OPRK1: variants seen among roughly 807,000 people sequenced by gnomAD.
The protein encoded by OPRK1 is kappa-type opioid receptor.
A neutral mutation model predicts 24.5 loss-of-function variants in OPRK1; 15 were observed. That is an observed-to-expected ratio of 0.61 (90% confidence interval 0.41 to 0.94). The LOEUF (loss-of-function observed/expected upper bound fraction) is 0.94, where lower values mean the gene tolerates loss of function less well. Ranked by LOEUF, OPRK1 falls within the 40% of genes least tolerant of loss-of-function variation. The pLI, the probability that OPRK1 is intolerant of heterozygous loss-of-function variation, is 0.00. For synonymous variants in OPRK1, 205 were observed against 198.0 expected (o/e 1.04, Z -0.30); for missense variants, 479 against 507.3 (o/e 0.94, Z 0.54).
intron 2 of OPRK1, chr8:53,242,999 C>G: frequency 1.6e-6 from 2 of 1,231,558 alleles, no homozygotes; most frequent in Non-Finnish European, 2.1e-6. Flanking sequence ...ATAAGCCTTC[C>G]TTATCCAAGA....
At chr8:53,242,139 A>T (rs1430911334) in intron 2 of OPRK1, among the ~76,000 whole-genome samples, 1 of 152,206 alleles carries the variant, frequency 6.6e-6, no homozygotes, top group Non-Finnish European at 1.5e-5. Context: ...TTTATACAGA[A>T]AGCTGACCTA....
chr8:53,229,150 A>C lies in OPRK1; in HGVS notation c.*147T>G. 3 of 938,774 alleles carry C rather than the reference A, an allele frequency of 3.2e-6. No homozygotes were observed. In the South Asian group the frequency reaches 5.3e-5, roughly 17 times the overall value. The allele number at this position is 938,774 out of a possible 1,614,324, so 58.2% of individuals were successfully genotyped here. On this transcript the variant is annotated 3_prime_UTR_variant, in exon 4 of 4. Transcript: ENST00000265572. ...TCCACTGATCACGAACGTGGTCTGCATCTGATGACTTCAGACCATGAGATC... is the reference window on the plus strand; with the variant it reads ...TCCACTGATCACGAACGTGGTCTGCCTCTGATGACTTCAGACCATGAGATC...
chr8:53,248,550 T>C (rs528222555), intron 2 of OPRK1, among the ~76,000 whole-genome samples: 7 of 152,178 alleles, frequency 4.6e-5, no homozygotes, highest in Non-Finnish European at 8.8e-5. Context: ...CATGCCACCC[T>C]CTCTCTGATC....
chr8:53,231,429 A>T (rs1055254714), intron 3 of OPRK1, among the ~76,000 whole-genome samples: 1 of 152,176 alleles, frequency 6.6e-6, no homozygotes, highest in South Asian at 2.1e-4. Flanking sequence ...TATTTTCAGC[A>T]TTAGTTGTTT....
chr8:53,251,370 TC>T, intron 1 of OPRK1, 77 bp downstream of exon 1: 2 of 380,866 alleles, frequency 5.3e-6, no homozygotes, highest in Non-Finnish European at 9.4e-6. Context: ...ACTGCCTGAG[TC>T]CCCAGGGTCA....
At position 53,229,806 on chromosome 8, in the gene OPRK1, AG is replaced by A. The variant is rs779448263; in HGVS notation, c.633del (p.Leu212CysfsTer15). 4 of 1,580,286 alleles carry A rather than the reference AG, an allele frequency of 2.5e-6. No homozygotes were observed. Among genetic ancestry groups the A allele is most frequent in the Non-Finnish European group, 3.4e-6 (4 of 1,163,210 alleles). ...GAGTAGTCATCATCTGGGAACTGCA[AG>A]GAGCACTCAATGACATCGACGTCTG... ...VREDVDVIEC[S>X]LQFPDDDYSW... On this transcript the variant is annotated frameshift_variant, in exon 4 of 4. Transcript: ENST00000265572. LOFTEE classifies it high-confidence loss of function.
At chr8:53,242,915 G>T in intron 2 of OPRK1, 1 of 1,288,244 alleles carries the variant, frequency 7.8e-7, no homozygotes, top group Non-Finnish European at 1.0e-6. Context: ...ATTCCAACCT[G>T]TTTGGCCAAT....
intron 3 of OPRK1, among the ~76,000 whole-genome samples, chr8:53,230,525 C>T (rs1806826396): frequency 6.6e-6 from 1 of 152,156 alleles, no homozygotes; most frequent in Admixed American, 6.5e-5. Context: ...CATTTATTTT[C>T]ATTTTTACCA....
intron 3 of OPRK1, among the ~76,000 whole-genome samples, chr8:53,230,138 A>C (rs1251174539): frequency 2.6e-5 from 4 of 151,778 alleles, no homozygotes; most frequent in Admixed American, 2.6e-4. Flanking sequence ...GATGGCTTGC[A>C]GAAGAGGTAA....
intron 2 of OPRK1, among the ~76,000 whole-genome samples, chr8:53,250,426 G>T (rs531250391): frequency 7.9e-5 from 12 of 152,244 alleles, no homozygotes; most frequent in Non-Finnish European, 1.5e-4. Flanking sequence ...AAATGGATTA[G>T]TTCCTTTACC....
At chr8:53,243,749 T>C in intron 2 of OPRK1, among the ~76,000 whole-genome samples, 1 of 152,244 alleles carries the variant, frequency 6.6e-6, no homozygotes, top group East Asian at 1.9e-4. Flanking sequence ...GAAGTTATTT[T>C]TGCTACATTT....
At position 53,229,342 on chromosome 8, in the gene OPRK1, A is replaced by G. The variant is rs1315510090; in HGVS notation, c.1098T>C (p.Asp366=). The part of the protein sequence containing the change: ...STSRVRNTVQ[D]PAYLRDIDGM... ...CATCGATGTCCCTCAGGTAAGCAGG[A>G]TCCTGAACTGTATTTCGGACTCTGC... Residue 366 remains aspartate, a synonymous_variant, in exon 4 of 4, where the codon GAT becomes GAC. Coordinates refer to ENST00000265572, the MANE Select transcript of OPRK1 (RefSeq NM_000912.5). The G allele has an allele frequency of 6.2e-7, 1 of 1,614,180 alleles. No individual in the cohort carries two copies. Among genetic ancestry groups the G allele is most frequent in the Admixed American group, 1.7e-5 (1 of 60,034 alleles).
chr8:53,236,941 C>A (rs1346234184), intron 2 of OPRK1, among the ~76,000 whole-genome samples: 2 of 152,074 alleles, frequency 1.3e-5, no homozygotes, highest in Non-Finnish European at 2.9e-5. Flanking sequence ...TTAGGCAGAC[C>A]TGGGTTCTAG....
In OPRK1 at chr8:53,251,475, G is replaced by T. The variant is rs201361467; in HGVS notation, c.-76C>A. 58 of 170,876 alleles carry T rather than the reference G, an allele frequency of 3.4e-4. No homozygotes were observed. Among genetic ancestry groups the T allele is most frequent in the Non-Finnish European group, 4.5e-4 (37 of 81,392 alleles). 10.6% of individuals were successfully genotyped at this position (170,876 alleles called of 1,614,324 possible). A position where few individuals can be genotyped will look rare whatever the true frequency, so the allele number is the denominator to read the frequency against. ...ATGGTTCCCAGAGACAGGCGAAGGCGAGGTTTTTTACGGGACGCCCTGGTA... is the reference window on the plus strand; with the variant it reads ...ATGGTTCCCAGAGACAGGCGAAGGCTAGGTTTTTTACGGGACGCCCTGGTA... On this transcript the variant is annotated 5_prime_UTR_variant, in exon 1 of 4. Transcript: ENST00000265572.
intron 3 of OPRK1, among the ~76,000 whole-genome samples, chr8:53,233,305 T>C (rs1806900694): frequency 6.6e-6 from 1 of 152,188 alleles, no homozygotes; most frequent in Non-Finnish European, 1.5e-5. Context: ...TGGACCACTC[T>C]GTAGGGGAGG....
chr8:53,226,983 C>T lies in OPRK1; in HGVS notation c.*2314G>A, dbSNP rs112960681. Reference sequence around the variant, plus strand: ...GCTAACTTAAAGGAAACAGGCCAGGCGTGGCCATTCACATCTGTAATCCCA... The same window carrying T: ...GCTAACTTAAAGGAAACAGGCCAGGTGTGGCCATTCACATCTGTAATCCCA... On this transcript the variant is annotated 3_prime_UTR_variant, in exon 4 of 4. Coordinates refer to ENST00000265572, the MANE Select transcript of OPRK1 (RefSeq NM_000912.5). 10,088 of 152,244 alleles carry T rather than the reference C, an allele frequency of 0.066. 492 individuals carry two copies. Among genetic ancestry groups the T allele is most frequent in the African/African-American group, 0.14 (5,815 of 41,510 alleles). 9.4% of individuals were successfully genotyped at this position (152,244 alleles called of 1,614,324 possible).
chr8:53,238,822 T>C (rs936278482), intron 2 of OPRK1: 6 of 383,556 alleles, frequency 1.6e-5, no homozygotes, highest in Middle Eastern at 1.3e-3. Flanking sequence ...GAGCTGACCC[T>C]GCAACACAGC....
At chr8:53,236,019 T>C (rs989027084) in intron 2 of OPRK1, among the ~76,000 whole-genome samples, 1 of 152,212 alleles carries the variant, frequency 6.6e-6, no homozygotes, top group African/African-American at 2.4e-5. Flanking sequence ...CATCAGATTT[T>C]CAAAGGCCAA....
intron 2 of OPRK1, among the ~76,000 whole-genome samples, chr8:53,246,897 GA>G (rs1715326963): frequency 6.6e-6 from 1 of 152,210 alleles, no homozygotes; most frequent in South Asian, 2.1e-4. Context: ...ATGAAACAAG[GA>G]ATTGGCTCTT....
Sources: gnomAD v4.1 joint callset for allele counts (sites outside exome capture counted in the v4.1 genomes callset) on GRCh38, gnomAD v4.1.1 for gene constraint, MANE v1.5 for transcripts, NCBI Gene and HGNC (gene_info 2026-07-23, HGNC 2026-07-21) for gene names.